The following ADCY8 variants were observed in gnomAD, a reference collection of about 807,000 sequenced individuals.
ADCY8 encodes the protein adenylate cyclase type 8.
In ADCY8, 51 loss-of-function variants were observed where a neutral mutation model predicts 119.7. The observed-to-expected ratio is 0.43, with a 90% CI of 0.34 to 0.54. The LOEUF (loss-of-function observed/expected upper bound fraction) is 0.54, where lower values mean the gene tolerates loss of function less well. Among genes scored for constraint, ADCY8 ranks in the 20% least tolerant of loss-of-function variants. ADCY8 has a pLI of 0.03. For missense variants in ADCY8, 1,383 were observed against 1,598.8 expected, an observed-to-expected ratio of 0.87 and a Z score of 2.30; for synonymous variants, 665 against 651.0, an observed-to-expected ratio of 1.02 and a Z score of -0.33.
chr8:130,990,615 A>T, intron 1 of ADCY8, 73 bp from the exon 2 acceptor site: 1 of 1,551,596 alleles, frequency 6.4e-7, no homozygotes. Flanking sequence ...TACACAAATA[A>T]ATATGAATTT....
In ADCY8 at chr8:130,798,853, T is replaced by C. The variant is rs149777765; in HGVS notation, c.3060+1573A>G. 2.1e-3 allele frequency among the ~76,000 whole-genome samples: 324 copies of C among 152,064 alleles called. 1 individual carries two copies. Among genetic ancestry groups the C allele is most frequent in the African/African-American group, 7.3e-3 (302 of 41,482 alleles). ...GCAAAATACAGAATTAGCCTAAACTTCCATTGAGAAATGAATGGAAACACA... is the reference window on the plus strand; with the variant it reads ...GCAAAATACAGAATTAGCCTAAACTCCCATTGAGAAATGAATGGAAACACA... On this transcript the variant is annotated intron_variant, in intron 15 of 17. Coordinates refer to ENST00000286355, the MANE Select transcript of ADCY8 (RefSeq NM_001115.3).
At chr8:130,867,710 T>C in intron 9 of ADCY8, 136 bp downstream of exon 9, 1 of 523,796 alleles carries the variant, frequency 1.9e-6, no homozygotes, top group Non-Finnish European at 3.4e-6. Context: ...TAGACATTGA[T>C]ACTGTCAAAC....
At chr8:130,964,413 T>A (rs1821699715) in intron 2 of ADCY8, among the ~76,000 whole-genome samples, 1 of 149,932 alleles carries the variant, frequency 6.7e-6, no homozygotes, top group Admixed American at 6.6e-5. Context: ...ATGTTAGTTT[T>A]ATCATCTGTT....
At chr8:131,032,581 A>G (rs1364364132) in intron 1 of ADCY8, among the ~76,000 whole-genome samples, 1 of 152,068 alleles carries the variant, frequency 6.6e-6, no homozygotes, top group Non-Finnish European at 1.5e-5. Flanking sequence ...TGCCTACCAG[A>G]ATGTGCCTGG....
At chr8:130,983,528 G>T (rs758059569) in intron 2 of ADCY8, among the ~76,000 whole-genome samples, 1 of 152,174 alleles carries the variant, frequency 6.6e-6, no homozygotes, top group Non-Finnish European at 1.5e-5. Context: ...AGGCATAGAC[G>T]TGCGGGGCAT....
At chr8:130,983,807 T>G (rs930053099) in intron 2 of ADCY8, among the ~76,000 whole-genome samples, 5 of 152,166 alleles carry the variant, frequency 3.3e-5, no homozygotes, top group African/African-American at 1.2e-4. Context: ...ACACCTCCCT[T>G]CTCAAATGAA....
chr8:130,861,858 G>A (rs905961035), intron 9 of ADCY8, among the ~76,000 whole-genome samples: 7 of 151,768 alleles, frequency 4.6e-5, no homozygotes, highest in African/African-American at 1.7e-4. Flanking sequence ...CCCTTCTGCT[G>A]CTAGTTTTCT....
chr8:131,017,267 G>A (rs1284591074), intron 1 of ADCY8, among the ~76,000 whole-genome samples: 2 of 151,818 alleles, frequency 1.3e-5, no homozygotes, highest in South Asian at 2.1e-4. Flanking sequence ...ACGGGCTTTC[G>A]CCATGTTGGC....
At chr8:130,802,425 A>G (rs758667961) in intron 14 of ADCY8, among the ~76,000 whole-genome samples, 15 of 152,218 alleles carry the variant, frequency 9.9e-5, no homozygotes, top group Non-Finnish European at 1.9e-4. Flanking sequence ...TCCTGACTCC[A>G]GTCTTGTTCC....
intron 5 of ADCY8, among the ~76,000 whole-genome samples, chr8:130,926,491 G>C (rs922243698): frequency 6.6e-6 from 1 of 151,890 alleles, no homozygotes; most frequent in African/African-American, 2.4e-5. Flanking sequence ...AGGTAAAATT[G>C]TATATATTTG....
At chr8:131,030,358 G>A (rs915030456) in intron 1 of ADCY8, among the ~76,000 whole-genome samples, 10 of 152,136 alleles carry the variant, frequency 6.6e-5, no homozygotes, top group Admixed American at 1.3e-4. Flanking sequence ...CCTTTTGCAC[G>A]CTCTTCTTTT....
intron 4 of ADCY8, among the ~76,000 whole-genome samples, chr8:130,939,795 C>T (rs1820902955): frequency 6.6e-6 from 1 of 152,226 alleles, no homozygotes; most frequent in African/African-American, 2.4e-5. Flanking sequence ...AAGTAGCCTT[C>T]TCAATGTTCA....
At chr8:130,945,878 G>A (rs184656880) in intron 3 of ADCY8, among the ~76,000 whole-genome samples, 3 of 152,284 alleles carry the variant, frequency 2.0e-5, no homozygotes, top group South Asian at 2.1e-4. Context: ...TGTAACTTAT[G>A]AGGGAGAACC....
At chr8:130,840,922 G>A (rs1195985318) in intron 11 of ADCY8, among the ~76,000 whole-genome samples, 1 of 152,132 alleles carries the variant, frequency 6.6e-6, no homozygotes, top group Non-Finnish European at 1.5e-5. Context: ...TTTGCCTTGG[G>A]AAAGTATATA....
At chr8:131,016,219 G>A (rs1462395390) in intron 1 of ADCY8, among the ~76,000 whole-genome samples, 2 of 152,080 alleles carry the variant, frequency 1.3e-5, no homozygotes, top group Non-Finnish European at 2.9e-5. Flanking sequence ...TATGGTGGGG[G>A]GAGGTTACAA....
chr8:130,810,081 G>A (rs1816113504), intron 14 of ADCY8, among the ~76,000 whole-genome samples: 1 of 152,132 alleles, frequency 6.6e-6, no homozygotes, highest in Non-Finnish European at 1.5e-5. Context: ...GCCACCTCAG[G>A]GATACACCTG....
chr8:130,872,437 C>T (rs1818401863), intron 8 of ADCY8, among the ~76,000 whole-genome samples: 1 of 152,138 alleles, frequency 6.6e-6, no homozygotes, highest in Non-Finnish European at 1.5e-5. Context: ...TGCTTCCTTG[C>T]TATTTTCAGA....
At chr8:130,842,399 C>G (rs10103606) in intron 11 of ADCY8, among the ~76,000 whole-genome samples, 32,854 of 152,112 alleles carry the variant, frequency 0.22, 3,617 homozygotes, top group Admixed American at 0.26. Flanking sequence ...TTTAGGTTAG[C>G]AGCTAGGACT....
At chr8:130,785,578 G>T in intron 15 of ADCY8, 103 bp from the exon 16 acceptor site, 1 of 680,316 alleles carries the variant, frequency 1.5e-6, no homozygotes, top group Non-Finnish European at 2.4e-6. Context: ...ACCTCTGATG[G>T]TTCAATATCC....
Sources: allele counts gnomAD v4.1 joint callset (sites outside exome capture counted in the v4.1 genomes callset), GRCh38; gene constraint gnomAD v4.1.1; transcripts MANE v1.5; gene names NCBI Gene and HGNC (gene_info 2026-07-23, HGNC 2026-07-21).